SLC7A2: variants seen among roughly 807,000 people sequenced by gnomAD.
The protein encoded by SLC7A2 is cationic amino acid transporter 2.
In SLC7A2, 48 loss-of-function variants were observed where a neutral mutation model predicts 58.9. The ratio of observed to expected loss-of-function variants is 0.82; its 90% CI spans 0.65 to 1.04. The LOEUF (loss-of-function observed/expected upper bound fraction) is 1.04. Among genes scored for constraint, SLC7A2 ranks in the 50% least tolerant of loss-of-function variants. The pLI is 0.00. For missense variants in SLC7A2, 1,029 were observed against 818.8 expected, an observed-to-expected ratio of 1.26 and a Z score of -3.13; for synonymous variants, 363 against 314.5, an observed-to-expected ratio of 1.15 and a Z score of -1.63.
At chr8:17,505,177 T>C (rs1208268219) in intron 2 of SLC7A2, among the ~76,000 whole-genome samples, 3 of 152,018 alleles carry the variant, frequency 2.0e-5, no homozygotes, top group African/African-American at 7.3e-5. Context: ...CTGGCAATTT[T>C]GTGTAAGATT....
chr8:17,505,244 C>T (rs1800317642), intron 2 of SLC7A2, among the ~76,000 whole-genome samples: 1 of 152,176 alleles, frequency 6.6e-6, no homozygotes, highest in South Asian at 2.1e-4. Flanking sequence ...GTTTCAGAAA[C>T]CCAAGATAAG....
At chr8:17,554,917 T>A in intron 8 of SLC7A2, 1 of 1,611,104 alleles carries the variant, frequency 6.2e-7, no homozygotes, top group Admixed American at 1.7e-5. Flanking sequence ...AAATAACTCA[T>A]GTGTGGATTT....
intron 6 of SLC7A2, 51 bp downstream of exon 6, chr8:17,550,485 C>T (rs553896753): frequency 1.0e-5 from 16 of 1,564,116 alleles, no homozygotes; most frequent in African/African-American, 2.7e-5. Flanking sequence ...TTGTTGTGCA[C>T]GAGTACCCGT....
chr8:17,539,685 G>C (rs576371607), intron 2 of SLC7A2, among the ~76,000 whole-genome samples: 2 of 152,216 alleles, frequency 1.3e-5, no homozygotes, highest in African/African-American at 4.8e-5. Flanking sequence ...TACTACATGC[G>C]TGTAGGTTTC....
At chr8:17,525,924 C>T (rs187698834) in intron 2 of SLC7A2, among the ~76,000 whole-genome samples, 2 of 152,080 alleles carry the variant, frequency 1.3e-5, no homozygotes, top group Admixed American at 1.3e-4. Context: ...TGGTAGTATT[C>T]ATAGAATGTT....
At chr8:17,537,081 G>T (rs1042143011) in intron 2 of SLC7A2, among the ~76,000 whole-genome samples, 2 of 152,156 alleles carry the variant, frequency 1.3e-5, no homozygotes, top group Non-Finnish European at 2.9e-5. Flanking sequence ...TTTTCAGATG[G>T]AGTCTCGCTC....
At position 17,561,972 on chromosome 8, in the gene SLC7A2, G is replaced by T; in HGVS notation, c.1533G>T (p.Leu511Phe). 6.2e-7 allele frequency: 1 copy of T among 1,614,060 alleles called. No homozygotes were observed. The highest frequency in any genetic ancestry group is 8.5e-7 in the Non-Finnish European group (1 of 1,180,022). ...TCCTCGTGTTGGGCCTGAGTGTCTT[G>T]ACCACTTACGGAGTTCATGCCATCA... is the stretch of plus-strand genomic sequence containing the variant. ...LAFLVLGLSV[L>F]TTYGVHAITR... The change falls in exon 11 of 13, where the codon TTG (leucine) becomes TTT (phenylalanine). Residue 511 changes from leucine to phenylalanine, a missense_variant. Coordinates refer to ENST00000494857, the MANE Select transcript of SLC7A2 (RefSeq NM_001370338.1).
In SLC7A2 at chr8:17,497,112, G is replaced by GCGCT. The variant is rs1563424856; in HGVS notation, c.-192_-189dup. The GCGCT allele has an allele frequency of 1.3e-5, 2 of 151,404 alleles. No homozygotes were observed. Among genetic ancestry groups the GCGCT allele is most frequent in the Admixed American group, 6.6e-5 (1 of 15,198 alleles). The allele number at this position is 151,404 out of a possible 1,614,324, so 9.4% of individuals were successfully genotyped here. A position where few individuals can be genotyped will look rare whatever the true frequency, so the allele number is the denominator to read the frequency against. On this transcript the variant is annotated 5_prime_UTR_variant, in exon 1 of 13. Transcript: ENST00000494857. ...CCTCCTTCTGCAGCGCGGCCGGCGG[G>GCGCT]CGCTCCTCTTCGCGGGACCAGCGAG...
chr8:17,518,530 A>G (rs1352295424), intron 2 of SLC7A2, among the ~76,000 whole-genome samples: 5 of 152,190 alleles, frequency 3.3e-5, no homozygotes, highest in African/African-American at 4.8e-5. Flanking sequence ...CCTAGTGTTC[A>G]TCATGGGAAA....
At chr8:17,542,913 G>C (rs2150737364) in intron 2 of SLC7A2, among the ~76,000 whole-genome samples, 1 of 152,280 alleles carries the variant, frequency 6.6e-6, no homozygotes, top group East Asian at 1.9e-4. Flanking sequence ...AGTGAGCCAA[G>C]ATTGTGCCAC....
intron 2 of SLC7A2, chr8:17,538,719 A>C: frequency 7.4e-7 from 1 of 1,352,614 alleles, no homozygotes; most frequent in Non-Finnish European, 1.0e-6. Context: ...TAGGGCAAAA[A>C]CAGTATGGTA....
intron 10 of SLC7A2, 55 bp from the exon 11 acceptor site, chr8:17,561,889 G>A: frequency 6.4e-7 from 1 of 1,562,410 alleles, no homozygotes; most frequent in South Asian, 1.1e-5. Flanking sequence ...TTTGCACCAA[G>A]CAATCTGGGT....
chr8:17,538,722 G>A (rs28616245), intron 2 of SLC7A2: 67,528 of 1,389,554 alleles, frequency 0.049, 4,644 homozygotes, highest in African/African-American at 0.28. Context: ...GGCAAAAACA[G>A]TATGGTAAAG....
At chr8:17,557,763 G>A (rs952889395) in intron 8 of SLC7A2, among the ~76,000 whole-genome samples, 3 of 152,156 alleles carry the variant, frequency 2.0e-5, no homozygotes, top group Non-Finnish European at 4.4e-5. Flanking sequence ...GGGGGGTGGA[G>A]ATTGCAGTAA....
At chr8:17,516,781 G>C (rs1163463963) in intron 2 of SLC7A2, among the ~76,000 whole-genome samples, 1 of 152,212 alleles carries the variant, frequency 6.6e-6, no homozygotes, top group Non-Finnish European at 1.5e-5. Flanking sequence ...TTAAGAAAAA[G>C]ATGGTTTAAG....
intron 7 of SLC7A2, 36 bp downstream of exon 7, chr8:17,552,022 G>T: frequency 6.4e-7 from 1 of 1,570,640 alleles, no homozygotes; most frequent in Non-Finnish European, 8.8e-7. Flanking sequence ...GGGCTGTTTG[G>T]GACTCTACAA....
chr8:17,524,387 A>C (rs544423250), intron 2 of SLC7A2, among the ~76,000 whole-genome samples: 1 of 150,394 alleles, frequency 6.6e-6, no homozygotes, highest in African/African-American at 2.4e-5. Flanking sequence ...TATAGAAAGA[A>C]AATGTGAGAT....
In SLC7A2 at chr8:17,562,959, AG is replaced by A. The variant is rs369202054; in HGVS notation, c.1672-643del. On this transcript the variant is annotated intron_variant, in intron 11 of 12. Transcript: ENST00000494857. ...AGTTCAAGTGTAGCCTGGGCAACAT[AG>A]CGAGACCCCATCTCTACAAAACAAA... 2.0e-3 allele frequency among the ~76,000 whole-genome samples: 310 copies of A among 152,172 alleles called. 1 individual carries two copies. Among genetic ancestry groups the A allele is most frequent in the African/African-American group, 6.8e-3 (282 of 41,528 alleles).
rs1285814752 is a variant in SLC7A2 at position 17,567,973 on chromosome 8, T to G, written c.*2827T>G. 1 of 151,776 alleles carries G rather than the reference T, an allele frequency of 6.6e-6. No homozygotes were observed. The highest frequency in any genetic ancestry group is 1.5e-5 in the Non-Finnish European group (1 of 68,020). The allele number at this position is 151,776 out of a possible 1,614,324, so 9.4% of individuals were successfully genotyped here. A position where few individuals can be genotyped will look rare whatever the true frequency, so the allele number is the denominator to read the frequency against. ...GCAAAAGTCAGTATCACCAGCTCTT[T>G]GGCACCTTTCTGTTTCTGCTTGTGA... On this transcript the variant is annotated 3_prime_UTR_variant, in exon 13 of 13. Transcript: ENST00000494857.
Sources: allele counts gnomAD v4.1 joint callset (sites outside exome capture counted in the v4.1 genomes callset), GRCh38; gene constraint gnomAD v4.1.1; transcripts MANE v1.5; gene names NCBI Gene and HGNC (gene_info 2026-07-23, HGNC 2026-07-21).